CHN1: variants seen among roughly 807,000 people sequenced by gnomAD.
CHN1 encodes chimerin 1.
In CHN1, 37 loss-of-function variants were observed where a neutral mutation model predicts 59.5. The observed-to-expected ratio is 0.62, with a 90% CI of 0.48 to 0.82. CHN1 has a LOEUF of 0.82. Among genes scored for constraint, CHN1 ranks in the 40% least tolerant of loss-of-function variants. The pLI, the probability that CHN1 is intolerant of heterozygous loss-of-function variation, is 0.00. For synonymous variants in CHN1, 206 were observed against 200.4 expected (o/e 1.03, Z -0.24); for missense variants, 469 against 571.0 (o/e 0.82, Z 1.82).
chr2:174,899,384 A>G (rs1026448474), intron 5 of CHN1, among the ~76,000 whole-genome samples: 3 of 152,236 alleles, frequency 2.0e-5, no homozygotes, highest in African/African-American at 7.2e-5. Context: ...GACTCAGTAT[A>G]TATGTCAACT....
At chr2:174,878,370 T>C (rs571412214) in intron 5 of CHN1, among the ~76,000 whole-genome samples, 19 of 152,052 alleles carry the variant, frequency 1.2e-4, no homozygotes, top group Non-Finnish European at 2.6e-4. Flanking sequence ...ATAGAAATAA[T>C]TTTTTTTATT....
chr2:174,912,330 A>G (rs1688728754), intron 5 of CHN1, among the ~76,000 whole-genome samples: 1 of 152,246 alleles, frequency 6.6e-6, no homozygotes, highest in Non-Finnish European at 1.5e-5. Flanking sequence ...TACAAATACA[A>G]TAAAATACAC....
intron 10 of CHN1, among the ~76,000 whole-genome samples, chr2:174,809,661 TTC>T (rs1685011382): frequency 6.6e-6 from 1 of 152,224 alleles, no homozygotes; most frequent in Admixed American, 6.5e-5. Flanking sequence ...TTTACTTATT[TTC>T]TGTTTTAAAA....
At chr2:174,947,518 T>TTGG (rs1689881544) in intron 2 of CHN1, among the ~76,000 whole-genome samples, 1 of 150,198 alleles carries the variant, frequency 6.7e-6, no homozygotes. Context: ...AGTGTCTCAC[T>TTGG]TGGTCACCCA....
chr2:174,882,479 A>G (rs1267253687), intron 5 of CHN1, among the ~76,000 whole-genome samples: 1 of 152,210 alleles, frequency 6.6e-6, no homozygotes, highest in Middle Eastern at 3.2e-3. Flanking sequence ...ATGATGACAA[A>G]ATATATACAG....
At chr2:174,901,084 A>C (rs916239769) in intron 5 of CHN1, among the ~76,000 whole-genome samples, 2 of 152,246 alleles carry the variant, frequency 1.3e-5, no homozygotes, top group Non-Finnish European at 2.9e-5. Flanking sequence ...TCTTGTGTGC[A>C]TCCACTATTG....
intron 3 of CHN1, among the ~76,000 whole-genome samples, chr2:174,930,143 G>A (rs1689292351): frequency 1.3e-5 from 2 of 152,184 alleles, no homozygotes; most frequent in South Asian, 4.1e-4. Context: ...TATACTTGTG[G>A]CTCTTGTCTG....
At chr2:174,853,993 C>T (rs1430666213) in intron 6 of CHN1, among the ~76,000 whole-genome samples, 1 of 152,056 alleles carries the variant, frequency 6.6e-6, no homozygotes, top group Non-Finnish European at 1.5e-5. Context: ...ACTATGTTCG[C>T]TACCTGAGTG....
intron 3 of CHN1, among the ~76,000 whole-genome samples, chr2:174,942,732 G>T (rs1558991355): frequency 1.3e-5 from 2 of 152,074 alleles, no homozygotes; most frequent in Admixed American, 1.3e-4. Flanking sequence ...ATTATTATGT[G>T]TCAATTTAAA....
At chr2:174,918,809 T>C (rs536991904) in intron 3 of CHN1, among the ~76,000 whole-genome samples, 100 of 152,328 alleles carry the variant, frequency 6.6e-4, no homozygotes, top group African/African-American at 2.2e-3. Flanking sequence ...ATCTTTAGTT[T>C]CTAGAATTTA....
intron 1 of CHN1, among the ~76,000 whole-genome samples, chr2:174,953,857 A>G (rs891192049): frequency 6.6e-6 from 1 of 152,194 alleles, no homozygotes; most frequent in African/African-American, 2.4e-5. Context: ...TGTGAAAATG[A>G]CCATACTACC....
chr2:174,892,825 T>C (rs1187955050), intron 5 of CHN1, among the ~76,000 whole-genome samples: 1 of 152,122 alleles, frequency 6.6e-6, no homozygotes, highest in Non-Finnish European at 1.5e-5. Flanking sequence ...AATATAAATG[T>C]AATACACTAC....
At chr2:174,899,317 CA>C (rs1276099219) in intron 5 of CHN1, among the ~76,000 whole-genome samples, 3 of 152,094 alleles carry the variant, frequency 2.0e-5, no homozygotes, top group African/African-American at 4.8e-5. Flanking sequence ...ACAACAAAAG[CA>C]AAGTGAAAAT....
At chr2:174,964,931 A>T (rs1431145242) in intron 1 of CHN1, among the ~76,000 whole-genome samples, 1 of 152,136 alleles carries the variant, frequency 6.6e-6, no homozygotes, top group Non-Finnish European at 1.5e-5. Flanking sequence ...TTGTTGCCAT[A>T]ATCTTTTGTG....
chr2:174,800,227 T>C lies in CHN1; in HGVS notation c.1269A>G (p.Gly423=), dbSNP rs771648236. ...GTTCTGGAGATCTCATAAGGGTGGG[T>C]CCAAAGACGATTCCAAGGTTCTCTG... ...MNAENLGIVF[G]PTLMRSPELD... Residue 423 remains glycine, a synonymous_variant, in exon 13 of 13, where the codon GGA becomes GGG. Coordinates refer to ENST00000409900, the MANE Select transcript of CHN1 (RefSeq NM_001822.7). The C allele has an allele frequency of 6.7e-7, 1 of 1,488,368 alleles. No homozygotes were observed. The highest frequency in any genetic ancestry group is 8.9e-7 in the Non-Finnish European group (1 of 1,120,960). 92.2% of individuals were successfully genotyped at this position (1,488,368 alleles called of 1,614,324 possible).
At chr2:174,978,800 C>T (rs1371138139) in intron 1 of CHN1, among the ~76,000 whole-genome samples, 1 of 152,148 alleles carries the variant, frequency 6.6e-6, no homozygotes, top group East Asian at 1.9e-4. Context: ...TCATGTTATC[C>T]TTTGTCCTTC....
intron 10 of CHN1, chr2:174,810,970 T>C (rs1685052382): frequency 6.6e-6 from 1 of 152,252 alleles, no homozygotes; most frequent in African/African-American, 2.4e-5. Flanking sequence ...AAAATTAAGC[T>C]CCACTGAGCT....
chr2:174,986,571 GTGGTTCTACTTATAA>G (rs1322670419), intron 1 of CHN1, among the ~76,000 whole-genome samples: 1 of 152,112 alleles, frequency 6.6e-6, no homozygotes. Flanking sequence ...TTTGAACCAC[GTGGTTCTACTTATAA>G]ACAGATTTTC....
At chr2:174,947,487 A>AT (rs71031076) in intron 2 of CHN1, among the ~76,000 whole-genome samples, 2,640 of 135,622 alleles carry the variant, frequency 0.019, 34 homozygotes, top group South Asian at 0.029. Context: ...TTTTTTTTTA[A>AT]TTTTTTTTTT....
Sources: gnomAD v4.1 joint callset for allele counts (sites outside exome capture counted in the v4.1 genomes callset) on GRCh38, gnomAD v4.1.1 for gene constraint, MANE v1.5 for transcripts, NCBI Gene and HGNC (gene_info 2026-07-23, HGNC 2026-07-21) for gene names.